ROBO2: variants seen among roughly 807,000 people sequenced by gnomAD.
ROBO2 encodes roundabout guidance receptor 2.
Under a neutral mutation model 160.8 loss-of-function variants are expected in ROBO2, and 53 were observed. That is an observed-to-expected ratio of 0.33 (90% CI 0.26 to 0.41). The LOEUF is 0.41. Among genes scored for constraint, ROBO2 ranks in the 10% least tolerant of loss-of-function variants. The pLI is 1.00. For synonymous variants in ROBO2, 664 were observed against 611.7 expected (o/e 1.09, Z -1.26); for missense variants, 1,577 against 1,722.4 (o/e 0.92, Z 1.49).
intron 2 of ROBO2, among the ~76,000 whole-genome samples, chr3:76,472,102 CGCGT>C (rs780418213): frequency 2.3e-5 from 2 of 86,268 alleles, no homozygotes; most frequent in African/African-American, 8.9e-5. Flanking sequence ...TGTGTGTGTG[CGCGT>C]GTGCGTGCGC....
intron 2 of ROBO2, among the ~76,000 whole-genome samples, chr3:76,313,652 AC>A (rs2107801827): frequency 6.6e-6 from 1 of 152,300 alleles, no homozygotes; most frequent in South Asian, 2.1e-4. Context: ...GCTCAAGCTT[AC>A]CTGCGTACAA....
Position 77,164,523 on chromosome 3 carries a change from C to T in ROBO2, c.388+66183C>T, listed in dbSNP as rs1457540470. ...CCCCCGCCCGGCCAGCCGTGCTGTC[C>T]GGGAGGGAGGTGGGGGGGTCAGACC... On this transcript the variant is annotated intron_variant, in intron 2 of 25. Transcript: ENST00000461745. 6.3e-4 allele frequency among the ~76,000 whole-genome samples: 86 copies of T among 136,964 alleles called. 2 individuals carry two copies. Among genetic ancestry groups the T allele is most frequent in the Middle Eastern group, 4.3e-3 (1 of 230 alleles). 89.9% of individuals were successfully genotyped at this position (136,964 alleles called of 152,430 possible).
intron 2 of ROBO2, among the ~76,000 whole-genome samples, chr3:75,994,097 T>C (rs1363698672): frequency 6.6e-6 from 1 of 152,128 alleles, no homozygotes; most frequent in Non-Finnish European, 1.5e-5. Context: ...CTTCCAAGTA[T>C]AGGGCTCTGT....
At chr3:76,380,028 A>T (rs973344779) in intron 2 of ROBO2, among the ~76,000 whole-genome samples, 1 of 151,932 alleles carries the variant, frequency 6.6e-6, no homozygotes, top group Admixed American at 6.6e-5. Context: ...CTTATGTTAT[A>T]ACCAGTATCA....
At chr3:77,330,639 G>A (rs1351166235) in intron 2 of ROBO2, among the ~76,000 whole-genome samples, 1 of 152,182 alleles carries the variant, frequency 6.6e-6, no homozygotes, top group East Asian at 1.9e-4. Flanking sequence ...ACAGACTTTT[G>A]TGATGCGTCT....
intron 2 of ROBO2, among the ~76,000 whole-genome samples, chr3:76,809,019 C>T (rs1164995282): frequency 6.6e-6 from 1 of 152,052 alleles, no homozygotes; most frequent in Non-Finnish European, 1.5e-5. Context: ...TTACAATTTG[C>T]TTTTTGAAAG....
intron 2 of ROBO2, among the ~76,000 whole-genome samples, chr3:76,632,821 A>T (rs2044580): frequency 0.63 from 95,413 of 152,120 alleles, 30,173 homozygotes; most frequent in East Asian, 0.7. Context: ...CCAACACATT[A>T]GAATGATCCA....
intron 2 of ROBO2, among the ~76,000 whole-genome samples, chr3:76,390,620 A>G (rs2077103971): frequency 6.6e-6 from 1 of 152,188 alleles, no homozygotes; most frequent in Admixed American, 6.5e-5. Flanking sequence ...ACTTAAATTC[A>G]TAATCCCAGC....
In ROBO2 at chr3:76,178,056, G is replaced by A. The variant is rs148334346; in HGVS notation, c.109+240454G>A. Reference sequence around the variant, plus strand: ...TGGAATGTGATATTCAGAGAAATACGTGTATCTCTATTTGATAGCTCCCCA... The same window carrying A: ...TGGAATGTGATATTCAGAGAAATACATGTATCTCTATTTGATAGCTCCCCA... On this transcript the variant is annotated intron_variant, in intron 2 of 26. Transcript: ENST00000487694. 1.6e-3 allele frequency among the ~76,000 whole-genome samples: 242 copies of A among 152,240 alleles called. 1 individual carries two copies. The highest frequency in any genetic ancestry group is 2.8e-3 in the Admixed American group (43 of 15,288).
chr3:76,864,893 A>T (rs115398018), intron 2 of ROBO2, among the ~76,000 whole-genome samples: 185 of 152,220 alleles, frequency 1.2e-3, no homozygotes, highest in African/African-American at 4.0e-3. Context: ...AAATGACAAA[A>T]TGTGGGACTA....
intron 2 of ROBO2, among the ~76,000 whole-genome samples, chr3:76,693,144 T>C (rs1432673746): frequency 6.7e-6 from 1 of 149,794 alleles, no homozygotes; most frequent in Non-Finnish European, 1.5e-5. Flanking sequence ...TATGTGTATA[T>C]ACATACATAA....
intron 2 of ROBO2, among the ~76,000 whole-genome samples, chr3:77,024,415 T>C (rs1019394446): frequency 3.9e-5 from 6 of 152,170 alleles, no homozygotes; most frequent in African/African-American, 7.2e-5. Flanking sequence ...AATGGATAGC[T>C]TGAGACACTG....
chr3:77,311,342 A>C (rs1045260238), intron 2 of ROBO2, among the ~76,000 whole-genome samples: 1 of 152,238 alleles, frequency 6.6e-6, no homozygotes, highest in Admixed American at 6.5e-5. Flanking sequence ...TATGTCTTAT[A>C]CATGATTTGT....
chr3:76,893,224 A>T (rs1267156039), intron 2 of ROBO2, among the ~76,000 whole-genome samples: 1 of 152,052 alleles, frequency 6.6e-6, no homozygotes, highest in African/African-American at 2.4e-5. Context: ...ATACACATGC[A>T]TTCAAATTCT....
At chr3:76,056,876 T>C (rs952075512) in intron 2 of ROBO2, among the ~76,000 whole-genome samples, 9 of 152,166 alleles carry the variant, frequency 5.9e-5, no homozygotes, top group African/African-American at 2.2e-4. Context: ...TTTTTGGACA[T>C]ATGTTAATAG....
intron 2 of ROBO2, among the ~76,000 whole-genome samples, chr3:76,441,417 C>T (rs558676618): frequency 7.9e-5 from 12 of 152,100 alleles, no homozygotes; most frequent in African/African-American, 2.2e-4. Flanking sequence ...AACTGTTGGT[C>T]GAAAGAGTAT....
At chr3:77,137,161 A>G (rs1323643350) in intron 2 of ROBO2, among the ~76,000 whole-genome samples, 1 of 152,164 alleles carries the variant, frequency 6.6e-6, no homozygotes, top group African/African-American at 2.4e-5. Context: ...ACTCTCCTTT[A>G]AAGTAACTTT....
chr3:75,984,993 G>C (rs1313482660), intron 2 of ROBO2, among the ~76,000 whole-genome samples: 3 of 151,360 alleles, frequency 2.0e-5, no homozygotes, highest in Non-Finnish European at 4.4e-5. Flanking sequence ...ATTAGTATCT[G>C]CATGTTTCCT....
intron 2 of ROBO2, among the ~76,000 whole-genome samples, chr3:76,626,933 G>A (rs1255015347): frequency 5.9e-5 from 9 of 151,962 alleles, no homozygotes; most frequent in African/African-American, 9.7e-5. Context: ...CTTGTGGTCC[G>A]CCCGCCTCGG....
Sources: gnomAD v4.1 joint callset for allele counts (sites outside exome capture counted in the v4.1 genomes callset) on GRCh38, gnomAD v4.1.1 for gene constraint, MANE v1.5 for transcripts, NCBI Gene and HGNC (gene_info 2026-07-23, HGNC 2026-07-21) for gene names.